Variants in F8 observed in about 807,000 individuals in gnomAD.
The protein encoded by F8 is antihemophilic factor.
Under a neutral mutation model 140.6 loss-of-function variants are expected in F8, and 12 were observed. That is an observed-to-expected ratio of 0.09 (90% confidence interval 0.05 to 0.14). F8 has a LOEUF of 0.14. Among genes scored for constraint, F8 ranks in the 10% least tolerant of loss-of-function variants. The pLI, the probability that F8 is intolerant of heterozygous loss-of-function variation, is 1.00. For missense variants in F8, 1,354 were observed against 1,720.7 expected (o/e 0.79, Z 3.77); for synonymous variants, 585 against 614.6 (o/e 0.95, Z 0.71).
At chrX:154,958,739 G>T (rs2073378324) in intron 10 of F8, among the ~76,000 whole-genome samples, 1 of 111,193 alleles carries the variant, frequency 9.0e-6, no homozygotes, top group Non-Finnish European at 1.9e-5. Flanking sequence ...TCAGCCTCCT[G>T]AGTAGCTGGG....
chrX:154,966,444 A>G lies in F8; in HGVS notation c.1253T>C (p.Val418Ala). Residue 418 changes from valine to alanine, a missense_variant, in exon 8 of 26, where the codon GTC (valine) becomes GCC (alanine). By Grantham distance (64) the Val-to-Ala change is moderately conservative. This residue lies in a region of F8 where 252 missense variants were observed against 338.5 expected (regional missense o/e 0.74). Coordinates refer to ENST00000360256, the MANE Select transcript of F8 (RefSeq NM_000132.4). ...EEEDWDYAPLVLAPDDRSYKS... is the reference protein window; with the variant it reads ...EEEDWDYAPLALAPDDRSYKS... ...TGCTTACCTGTCATCGGGGGCGAGG[A>G]CTAAGGGAGCATAGTCCCAGTCCTC... 1 of 1,211,525 alleles carries G rather than the reference A, an allele frequency of 8.3e-7. No individual in the cohort carries two copies. Among genetic ancestry groups the G allele is most frequent in the Middle Eastern group, 2.3e-4 (1 of 4,355 alleles).
At chrX:154,893,597 A>C (rs2072960897) in intron 22 of F8, among the ~76,000 whole-genome samples, 1 of 110,340 alleles carries the variant, frequency 9.1e-6, no homozygotes. Context: ...CTAAACTCTG[A>C]TTTTTTTTTA....
At chrX:154,995,809 T>C (rs1197426234) in intron 3 of F8, among the ~76,000 whole-genome samples, 1 of 111,991 alleles carries the variant, frequency 8.9e-6, no homozygotes, top group African/African-American at 3.2e-5. Context: ...TTTTTTGTAC[T>C]TAACCTTTGA....
At chrX:154,872,802 A>AG (rs1359684344) in intron 22 of F8, among the ~76,000 whole-genome samples, 2 of 111,734 alleles carry the variant, frequency 1.8e-5, no homozygotes, top group Non-Finnish European at 3.8e-5. Flanking sequence ...TAAAGACTCA[A>AG]AAAAAAATTG....
intron 22 of F8, among the ~76,000 whole-genome samples, chrX:154,870,725 G>T (rs1387578808): frequency 1.8e-5 from 2 of 111,137 alleles, no homozygotes; most frequent in South Asian, 3.8e-4. Context: ...AGCAATAAAG[G>T]GTATTCAAAT....
intron 14 of F8, among the ~76,000 whole-genome samples, chrX:154,913,519 T>G (rs1354231263): frequency 8.9e-6 from 1 of 112,471 alleles, no homozygotes; most frequent in Non-Finnish European, 1.9e-5. Flanking sequence ...TTTATGAGCC[T>G]GTAAAATCAA....
At chrX:154,853,939 ATTTTAATCATTT>A (rs1158538585) in intron 25 of F8, among the ~76,000 whole-genome samples, 1 of 111,599 alleles carries the variant, frequency 9.0e-6, no homozygotes, top group African/African-American at 3.3e-5. Flanking sequence ...AAAATTTACC[ATTTTAATCATTT>A]TTAAGTGTAC....
chrX:154,991,139 C>T (rs1413365183), intron 4 of F8, among the ~76,000 whole-genome samples: 1 of 112,307 alleles, frequency 8.9e-6, no homozygotes, highest in Non-Finnish European at 1.9e-5. Context: ...CTGTCATTGC[C>T]ACAGGCAACC....
chrX:154,842,450 C>A (rs2072528750), intron 25 of F8, among the ~76,000 whole-genome samples: 1 of 111,873 alleles, frequency 8.9e-6, no homozygotes, highest in Admixed American at 9.5e-5. Flanking sequence ...GCTTTCTTCT[C>A]TTCCAATATA....
chrX:154,867,602 C>T (rs1209759889), intron 22 of F8, among the ~76,000 whole-genome samples: 2 of 102,749 alleles, frequency 1.9e-5, no homozygotes, highest in South Asian at 4.5e-4. Flanking sequence ...GCAGGAGAAT[C>T]GCTTGAATCC....
At chrX:154,972,976 G>C (rs1167904098) in intron 6 of F8, among the ~76,000 whole-genome samples, 2 of 111,375 alleles carry the variant, frequency 1.8e-5, no homozygotes, top group Non-Finnish European at 3.8e-5. Flanking sequence ...GCCTCCCAAA[G>C]TGCTGGGATT....
intron 25 of F8, among the ~76,000 whole-genome samples, chrX:154,854,930 G>A (rs781836005): frequency 9.0e-6 from 1 of 110,817 alleles, no homozygotes; most frequent in Non-Finnish European, 1.9e-5. Context: ...TCAGGAGTTC[G>A]AGACCAGCCT....
intron 4 of F8, among the ~76,000 whole-genome samples, chrX:154,988,126 C>A (rs1302068682): frequency 8.9e-6 from 1 of 112,070 alleles, no homozygotes; most frequent in Non-Finnish European, 1.9e-5. Flanking sequence ...ACTGTATAAA[C>A]TCACTGAATG....
At chrX:154,850,606 G>C (rs1051866495) in intron 25 of F8, among the ~76,000 whole-genome samples, 6 of 109,533 alleles carry the variant, frequency 5.5e-5, no homozygotes, top group African/African-American at 2.0e-4. Flanking sequence ...CCTGGCTAAG[G>C]GTTGGTTTCT....
rs369477181 is a variant in F8 at position 154,984,835 on chromosome X, C to A, written c.671-32G>T. 3 of 1,062,868 alleles carry A rather than the reference C, an allele frequency of 2.8e-6. No individual in the cohort carries two copies. The African/African-American group carries it at 5.5e-5, about 20-fold the overall frequency. 87.6% of individuals were successfully genotyped at this position (1,062,868 alleles called of 1,213,427 possible). ...AGAGAGAAGGCAAAGATAGAGTCAG[C>A]TAAGCATGTGTCTCATGAATGACCG... On this transcript the variant is annotated intron_variant, in intron 5 of 25. Coordinates refer to ENST00000360256, the MANE Select transcript of F8 (RefSeq NM_000132.4).
intron 24 of F8, 54 bp downstream of exon 24, chrX:154,861,664 T>C: frequency 1.7e-6 from 2 of 1,195,361 alleles, no homozygotes; most frequent in Non-Finnish European, 2.3e-6. Context: ...TTCCCCGATT[T>C]TTTCCCCAAC....
intron 14 of F8, among the ~76,000 whole-genome samples, chrX:154,912,697 C>T (rs782428430): frequency 1.8e-5 from 2 of 111,934 alleles, no homozygotes; most frequent in Admixed American, 9.4e-5. Flanking sequence ...CTGTATTAGT[C>T]TGTTTTCCTG....
intron 25 of F8, among the ~76,000 whole-genome samples, chrX:154,848,644 T>C (rs1013071176): frequency 8.9e-6 from 1 of 111,908 alleles, no homozygotes; most frequent in Non-Finnish European, 1.9e-5. Flanking sequence ...AAAAGCGCAG[T>C]ATTAGGATGG....
chrX:154,862,531 T>C (rs1245327941), intron 23 of F8, among the ~76,000 whole-genome samples: 2 of 111,105 alleles, frequency 1.8e-5, no homozygotes, highest in Non-Finnish European at 3.8e-5. Flanking sequence ...ACACAATACA[T>C]AACCTTCTAA....
Sources: gnomAD v4.1 joint callset for allele counts (sites outside exome capture counted in the v4.1 genomes callset) on GRCh38, gnomAD v4.1.1 for gene constraint, gnomAD v4.1.1 regional missense constraint, MANE v1.5 for transcripts, NCBI Gene and HGNC (gene_info 2026-07-23, HGNC 2026-07-21) for gene names.